The following CRYBA4 variants were observed in gnomAD, a reference collection of about 807,000 sequenced individuals.
The protein encoded by CRYBA4 is beta-crystallin A4.
A neutral mutation model predicts 31.7 loss-of-function variants in CRYBA4; 30 were observed. That is an observed-to-expected ratio of 0.95 (90% CI 0.71 to 1.28). The LOEUF (loss-of-function observed/expected upper bound fraction) is 1.28. Among genes scored for constraint, CRYBA4 ranks in the 50% most tolerant of loss-of-function variants. CRYBA4 has a pLI of 0.00. For missense variants in CRYBA4, 225 were observed against 260.7 expected (o/e 0.86, Z 0.94); for synonymous variants, 102 against 102.3 (o/e 1.00, Z 0.02).
the CRYBA4 span, among the ~76,000 whole-genome samples, chr22:26,604,775 C>G: frequency 2.0e-5 from 3 of 152,170 alleles, no homozygotes; most frequent in Non-Finnish European, 2.9e-5. Context: ...GACAAATGCC[C>G]TTAGTGCAAT....
the CRYBA4 span, among the ~76,000 whole-genome samples, chr22:26,600,909 C>G: frequency 1.3e-5 from 2 of 152,172 alleles, no homozygotes; most frequent in African/African-American, 2.4e-5. Context: ...CATTCTTTAC[C>G]TAGTATTGTT....
At chr22:26,606,034 G>A in the CRYBA4 span, among the ~76,000 whole-genome samples, 1 of 152,184 alleles carries the variant, frequency 6.6e-6, no homozygotes, top group Non-Finnish European at 1.5e-5. Flanking sequence ...TTGTTTTAAA[G>A]CTCATCCGCT....
At chr22:26,623,733 T>C (rs1406382823) in intron 3 of CRYBA4, among the ~76,000 whole-genome samples, 2 of 151,364 alleles carry the variant, frequency 1.3e-5, no homozygotes, top group Non-Finnish European at 2.9e-5. Flanking sequence ...TAAATAGTCT[T>C]GCTGCTAAGC....
At chr22:26,608,786 A>G in the CRYBA4 span, among the ~76,000 whole-genome samples, 1 of 152,172 alleles carries the variant, frequency 6.6e-6, no homozygotes, top group African/African-American at 2.4e-5. Flanking sequence ...GGTATTCGGG[A>G]GATACTCAGT....
At chr22:26,617,824 C>T (rs1487925269), upstream of CRYBA4, among the ~76,000 whole-genome samples, 1 of 152,112 alleles carries the variant, frequency 6.6e-6, no homozygotes, top group African/African-American at 2.4e-5. Flanking sequence ...CTCTCCCTCT[C>T]CCTCCCTTTC....
chr22:26,618,434 C>A (rs1929431323), upstream of CRYBA4, among the ~76,000 whole-genome samples: 1 of 152,180 alleles, frequency 6.6e-6, no homozygotes, highest in African/African-American at 2.4e-5. Flanking sequence ...TCTGTGTCTG[C>A]AATTATAAGG....
the CRYBA4 span, chr22:26,608,086 A>G: frequency 1.2e-6 from 2 of 1,612,284 alleles, no homozygotes; most frequent in African/African-American, 1.3e-5. Flanking sequence ...CCCACTCCCT[A>G]CTTGCCTTTC....
chr22:26,590,803 TAGCG>T, the CRYBA4 span, among the ~76,000 whole-genome samples: 2 of 151,608 alleles, frequency 1.3e-5, no homozygotes, highest in Non-Finnish European at 2.9e-5. Flanking sequence ...AAATGCCGAA[TAGCG>T]TAAAGGTTGT....
chr22:26,623,369 A>G lies in CRYBA4; in HGVS notation c.158+17A>G, dbSNP rs764383587. On this transcript the variant is annotated intron_variant, in intron 3 of 5. Coordinates refer to ENST00000354760, the MANE Select transcript of CRYBA4 (RefSeq NM_001886.3). ...GAGTGGAGCGTGAGTCTAGGGGGAC[A>G]CTGAGTTGGGGTAGAGGGTGGACAG... 2 of 1,596,668 alleles carry G rather than the reference A, an allele frequency of 1.3e-6. No homozygotes were observed. The highest frequency in any genetic ancestry group is 1.1e-5 in the South Asian group (1 of 90,762).
At chr22:26,628,245 A>G (rs373534475) in intron 4 of CRYBA4, 43 bp from the exon 5 acceptor site, 213 of 1,613,454 alleles carry the variant, frequency 1.3e-4, no homozygotes, top group Middle Eastern at 1.3e-3. Flanking sequence ...CTGGGTTTCC[A>G]ACTGGGAGCC....
At chr22:26,609,649 C>T in the CRYBA4 span, among the ~76,000 whole-genome samples, 10 of 151,906 alleles carry the variant, frequency 6.6e-5, no homozygotes, top group Non-Finnish European at 1.0e-4. Flanking sequence ...GATCAATAGA[C>T]GAATGGGTAG....
At chr22:26,609,607 G>A in the CRYBA4 span, among the ~76,000 whole-genome samples, 2 of 152,290 alleles carry the variant, frequency 1.3e-5, no homozygotes, top group African/African-American at 2.4e-5. Flanking sequence ...GGGTACGTGT[G>A]TATAAATGGA....
At chr22:26,614,404 G>A in the CRYBA4 span, among the ~76,000 whole-genome samples, 7 of 152,082 alleles carry the variant, frequency 4.6e-5, no homozygotes, top group Non-Finnish European at 8.8e-5. Flanking sequence ...CAAGCTGGCC[G>A]ACGCTTAGGA....
rs758002733 is a variant in CRYBA4, at chr22:26,625,586, C to A, written c.264C>A (p.Ala88=). Reference sequence around the variant, plus strand: ...GGGGCGGCAACACGGCCTACCCCGCCGAGAGGCTCACCTCCTTCCGGCCTG... The same window carrying A: ...GGGGCGGCAACACGGCCTACCCCGCAGAGAGGCTCACCTCCTTCCGGCCTG... ...DAWGGNTAYP[A]ERLTSFRPAA... The change falls in exon 4 of 6, where the codon GCC becomes GCA. Residue 88 remains alanine (A), a synonymous_variant. Coordinates refer to ENST00000354760, the MANE Select transcript of CRYBA4 (RefSeq NM_001886.3). 7.4e-6 allele frequency: 12 copies of A among 1,613,852 alleles called. No homozygotes were observed. The highest frequency in any genetic ancestry group is 3.3e-4 in the Middle Eastern group (2 of 6,084).
the CRYBA4 span, among the ~76,000 whole-genome samples, chr22:26,591,471 A>AG: frequency 6.7e-6 from 1 of 149,538 alleles, no homozygotes; most frequent in East Asian, 2.0e-4. Context: ...TGTCTCAAAA[A>AG]AAAAAAAAAA....
the CRYBA4 span, chr22:26,601,874 C>T: frequency 6.2e-7 from 1 of 1,611,922 alleles, no homozygotes; most frequent in African/African-American, 1.3e-5. Flanking sequence ...AGGAGGGATG[C>T]TTACGTTCCA....
At chr22:26,618,611 A>C (rs1357582581), upstream of CRYBA4, among the ~76,000 whole-genome samples, 1 of 152,132 alleles carries the variant, frequency 6.6e-6, no homozygotes, top group Non-Finnish European at 1.5e-5. Flanking sequence ...AATCTGCCTT[A>C]TTTGGTACTT....
the CRYBA4 span, among the ~76,000 whole-genome samples, chr22:26,592,537 G>T: frequency 6.6e-6 from 1 of 152,368 alleles, no homozygotes; most frequent in Middle Eastern, 3.4e-3. Flanking sequence ...CAAAGGCCTA[G>T]CAGGAAGGAA....
chr22:26,625,182 TG>T (rs1265770281), intron 3 of CRYBA4, among the ~76,000 whole-genome samples: 1 of 152,188 alleles, frequency 6.6e-6, no homozygotes, highest in African/African-American at 2.4e-5. Context: ...GGTCTAGAGC[TG>T]GGTTCCTCAA....
Sources: gnomAD v4.1 joint callset for allele counts (sites outside exome capture counted in the v4.1 genomes callset) on GRCh38, gnomAD v4.1.1 for gene constraint, MANE v1.5 for transcripts, NCBI Gene and HGNC (gene_info 2026-07-23, HGNC 2026-07-21) for gene names.